Variants in TSC22D1 observed in about 807,000 individuals in gnomAD.
The protein encoded by TSC22D1 is TSC22 domain family protein 1.
A neutral mutation model predicts 74.2 loss-of-function variants in TSC22D1; 9 were observed. That is an observed-to-expected ratio of 0.12 (90% CI 0.07 to 0.21). TSC22D1 has a LOEUF of 0.21. TSC22D1 is among the 10% of genes least tolerant of loss of function. The probability of loss-of-function intolerance (pLI) is 1.00; values close to 1 mark genes in which losing one functional copy is unlikely to be tolerated. For missense variants in TSC22D1, 1,427 were observed against 1,304.7 expected (o/e 1.09, Z -1.44); for synonymous variants, 586 against 492.5 (o/e 1.19, Z -2.51).
intron 1 of TSC22D1, among the ~76,000 whole-genome samples, chr13:44,482,474 G>A (rs1218453616): frequency 6.6e-6 from 1 of 152,132 alleles, no homozygotes; most frequent in Non-Finnish European, 1.5e-5. Context: ...GGGAGGCAGG[G>A]GCTGCAGTGA....
rs192882430 is a variant in TSC22D1 at position 44,453,621 on chromosome 13, C to T, written c.2913-17526G>A. ...CAAGATCCAAACTCAAGTCAGTCGG[C>T]TTTGGTACAGGGCATGACTCAATAA... is the stretch of plus-strand genomic sequence containing the variant. On this transcript the variant is annotated intron_variant, in intron 1 of 2. Transcript: ENST00000458659. 1.5e-3 allele frequency among the ~76,000 whole-genome samples: 229 copies of T among 152,344 alleles called. 1 individual carries two copies. Among genetic ancestry groups the T allele is most frequent in the African/African-American group, 5.3e-3 (221 of 41,582 alleles).
intron 1 of TSC22D1, among the ~76,000 whole-genome samples, chr13:44,494,376 A>T (rs891589219): frequency 4.1e-4 from 7 of 16,916 alleles, no homozygotes; most frequent in African/African-American, 9.6e-4. Flanking sequence ...ACTCCGTATC[A>T]AAAAAAAAAA....
chr13:44,484,055 G>A (rs547496149), intron 1 of TSC22D1, among the ~76,000 whole-genome samples: 1 of 151,996 alleles, frequency 6.6e-6, no homozygotes, highest in East Asian at 1.9e-4. Flanking sequence ...CACGAATCTT[G>A]GCCCTTTTTA....
At position 44,573,894 on chromosome 13, in the gene TSC22D1, A is replaced by G. The variant is rs763221899; in HGVS notation, c.2181T>C (p.Ser727=). ...PAAVSAVPTG[S]QIANIGQQAN... ...CTTGCTGACCAATATTTGCAATCTG[A>G]CTGCCAGTAGGTACAGCAGACACTG... The change falls in exon 1 of 3, where the codon AGT becomes AGC. Residue 727 remains serine (S), a synonymous_variant. Transcript: ENST00000458659. The G allele has an allele frequency of 6.2e-7, 1 of 1,614,176 alleles. No individual in the cohort carries two copies. The highest frequency in any genetic ancestry group is 1.1e-5 in the South Asian group (1 of 91,084).
intron 1 of TSC22D1, among the ~76,000 whole-genome samples, chr13:44,484,691 A>G (rs1024243734): frequency 3.9e-5 from 6 of 152,220 alleles, no homozygotes; most frequent in Non-Finnish European, 7.3e-5. Flanking sequence ...AGGCCACACC[A>G]CAGAATAATA....
intron 1 of TSC22D1, among the ~76,000 whole-genome samples, chr13:44,455,579 C>CT (rs1390578888): frequency 6.6e-6 from 1 of 152,216 alleles, no homozygotes; most frequent in Admixed American, 6.5e-5. Flanking sequence ...CCAATAAAAA[C>CT]TTTCCCTGTC....
intron 1 of TSC22D1, among the ~76,000 whole-genome samples, chr13:44,512,145 ATTTCTTTTTTTGTTTGTTTGT>A (rs1295599254): frequency 2.2e-4 from 33 of 151,304 alleles, no homozygotes; most frequent in East Asian, 3.9e-4. Flanking sequence ...TTGGATATTT[ATTTCTTTTTTTGTTTGTTTGT>A]TTTCTTTTTT....
intron 1 of TSC22D1, among the ~76,000 whole-genome samples, chr13:44,489,936 A>G (rs1878623334): frequency 6.6e-6 from 1 of 152,222 alleles, no homozygotes; most frequent in South Asian, 2.1e-4. Context: ...TCACAGACAC[A>G]GCTAGGAGTG....
intron 1 of TSC22D1, among the ~76,000 whole-genome samples, chr13:44,489,731 G>C (rs1878615528): frequency 6.6e-6 from 1 of 151,352 alleles, no homozygotes; most frequent in Non-Finnish European, 1.5e-5. Flanking sequence ...ACTTTAACAG[G>C]CATTTTATAA....
intron 1 of TSC22D1, among the ~76,000 whole-genome samples, chr13:44,467,028 T>C (rs1877326503): frequency 6.6e-6 from 1 of 151,938 alleles, no homozygotes; most frequent in African/African-American, 2.4e-5. Context: ...CCAGGCATGG[T>C]GGTGCACACC....
chr13:44,567,595 T>TA (rs1211176900), intron 1 of TSC22D1, among the ~76,000 whole-genome samples: 2 of 151,362 alleles, frequency 1.3e-5, no homozygotes, highest in Admixed American at 6.6e-5. Context: ...AGTATACTAT[T>TA]AAAAAGGAGC....
intron 1 of TSC22D1, among the ~76,000 whole-genome samples, chr13:44,440,074 G>A (rs568418833): frequency 6.6e-6 from 1 of 152,272 alleles, no homozygotes; most frequent in East Asian, 1.9e-4. Flanking sequence ...ACTAGGCATG[G>A]GAATATACTT....
chr13:44,572,305 G>A (rs1883822793), intron 1 of TSC22D1, among the ~76,000 whole-genome samples: 1 of 152,052 alleles, frequency 6.6e-6, no homozygotes, highest in African/African-American at 2.4e-5. Flanking sequence ...CAATCTACGT[G>A]AAAAAACGCT....
chr13:44,474,393 T>A, intron 1 of TSC22D1: 1 of 280,612 alleles, frequency 3.6e-6, no homozygotes, highest in Non-Finnish European at 5.4e-6. Flanking sequence ...AAAGGGGCAG[T>A]GGTCCAATTT....
chr13:44,453,674 T>C (rs1876338787), intron 1 of TSC22D1, among the ~76,000 whole-genome samples: 1 of 152,190 alleles, frequency 6.6e-6, no homozygotes, highest in Non-Finnish European at 1.5e-5. Context: ...GTGGGCTATT[T>C]CTAGACACCC....
chr13:44,553,005 AAAC>A lies in TSC22D1; in HGVS notation c.2912+20155_2912+20157del, dbSNP rs1201909646. Among the ~76,000 whole-genome samples the A allele has an allele frequency of 1.4e-3, 215 of 152,298 alleles. 1 individual carries two copies. Among genetic ancestry groups the A allele is most frequent in the African/African-American group, 4.8e-3 (199 of 41,564 alleles). On this transcript the variant is annotated intron_variant, in intron 1 of 2. Transcript: ENST00000458659. The stretch of plus-strand genomic sequence containing the variant: ...TCCATCTCAAAACAAACAAACAAAC[AAAC>A]AAAACGAAAATAAGGTGGTAAACAG...
At chr13:44,557,724 A>G (rs980358728) in intron 1 of TSC22D1, among the ~76,000 whole-genome samples, 1 of 152,198 alleles carries the variant, frequency 6.6e-6, no homozygotes, top group Non-Finnish European at 1.5e-5. Context: ...TTCTACTTTA[A>G]AAGTATTTTA....
chr13:44,433,867 A>G lies in TSC22D1; in HGVS notation c.*759T>C, dbSNP rs1485080144. The G allele has an allele frequency of 2.0e-6, 2 of 1,016,268 alleles. No individual in the cohort carries two copies. The highest frequency in any genetic ancestry group is 1.8e-5 in the South Asian group (1 of 55,288). 63.0% of individuals were successfully genotyped at this position (1,016,268 alleles called of 1,614,324 possible). ...CAGTTTTTATGTAGATCTATATATA[A>G]AAGTCCACACCTCCTCAGACAGCCA... On this transcript the variant is annotated 3_prime_UTR_variant, in exon 3 of 3. Transcript: ENST00000458659.
At chr13:44,440,144 A>G (rs1006275577) in intron 1 of TSC22D1, among the ~76,000 whole-genome samples, 5 of 152,242 alleles carry the variant, frequency 3.3e-5, no homozygotes, top group Non-Finnish European at 5.9e-5. Flanking sequence ...CAGAAAAACA[A>G]CAAATAGTGT....
Sources: gnomAD v4.1 joint callset for allele counts (sites outside exome capture counted in the v4.1 genomes callset) on GRCh38, gnomAD v4.1.1 for gene constraint, MANE v1.5 for transcripts, NCBI Gene and HGNC (gene_info 2026-07-23, HGNC 2026-07-21) for gene names.